Variants in PCDHGB3 observed in about 807,000 individuals in gnomAD.
PCDHGB3 encodes the protein protocadherin gamma-B3.
Under a neutral mutation model 59.2 loss-of-function variants are expected in PCDHGB3, and 40 were observed. The observed-to-expected ratio is 0.68, with a 90% confidence interval of 0.52 to 0.88. The LOEUF (loss-of-function observed/expected upper bound fraction) is 0.88, where lower values mean the gene tolerates loss of function less well. PCDHGB3 is among the 40% of genes least tolerant of loss of function. The probability of loss-of-function intolerance (pLI) is 0.00; values close to 1 mark genes in which losing one functional copy is unlikely to be tolerated. For synonymous variants in PCDHGB3, 581 were observed against 503.6 expected, an observed-to-expected ratio of 1.15 and a Z score of -2.06; for missense variants, 1,309 against 1,187.9, an observed-to-expected ratio of 1.10 and a Z score of -1.50.
At chr5:141,422,301 G>A (rs777697738) in intron 1 of PCDHGB3, 36 of 1,549,184 alleles carry the variant, frequency 2.3e-5, no homozygotes, top group Non-Finnish European at 3.1e-5. Flanking sequence ...ATTCAATTCT[G>A]GAAAACTCTC....
chr5:141,388,842 A>G (rs1399936260), intron 1 of PCDHGB3: 1 of 1,614,014 alleles, frequency 6.2e-7, no homozygotes, highest in Non-Finnish European at 8.5e-7. Flanking sequence ...TTTGGAAGCA[A>G]GGGACGGTGG....
At chr5:141,400,440 A>G (rs1351638844) in intron 1 of PCDHGB3, 2 of 1,614,094 alleles carry the variant, frequency 1.2e-6, no homozygotes, top group Non-Finnish European at 1.7e-6. Context: ...AATTGAGTTC[A>G]GGACAAGACA....
chr5:141,418,748 A>G, intron 1 of PCDHGB3: 7 of 1,613,954 alleles, frequency 4.3e-6, no homozygotes, highest in East Asian at 2.2e-5. Context: ...TCTGGATTAC[A>G]CTACAGGAAA....
chr5:141,424,061 CTGATT>C, intron 1 of PCDHGB3: 1 of 1,003,194 alleles, frequency 1.0e-6, no homozygotes, highest in Non-Finnish European at 1.2e-6. Flanking sequence ...TGTGCCTTCA[CTGATT>C]TGTAGTTATA....
At chr5:141,440,280 A>G (rs1389627767) in intron 1 of PCDHGB3, 1 of 152,220 alleles carries the variant, frequency 6.6e-6, no homozygotes, top group East Asian at 1.9e-4. Context: ...CAGCCTGACC[A>G]ACATAGTGAA....
chr5:141,400,588 T>TC, intron 1 of PCDHGB3: 1 of 1,606,158 alleles, frequency 6.2e-7, no homozygotes, highest in South Asian at 1.1e-5. Flanking sequence ...TACATGAAAC[T>TC]ATCGTACATT....
At chr5:141,384,904 C>G (rs1780643857) in intron 1 of PCDHGB3, 1 of 1,613,886 alleles carries the variant, frequency 6.2e-7, no homozygotes, top group Admixed American at 1.7e-5. Context: ...TGACAGCATC[C>G]CCGAAGTCTT....
At chr5:141,462,280 C>T (rs927977920) in intron 1 of PCDHGB3, among the ~76,000 whole-genome samples, 15 of 152,146 alleles carry the variant, frequency 9.9e-5, no homozygotes, top group African/African-American at 3.4e-4. Context: ...TGTTTAGTCA[C>T]CAAATATGTA....
At chr5:141,384,661 G>C (rs777530436) in intron 1 of PCDHGB3, 1 of 1,614,226 alleles carries the variant, frequency 6.2e-7, no homozygotes. Context: ...CGGCTACCTG[G>C]TGACCAAGGT....
intron 1 of PCDHGB3, chr5:141,399,509 AC>A: frequency 6.2e-7 from 1 of 1,613,968 alleles, no homozygotes; most frequent in Non-Finnish European, 8.5e-7. Flanking sequence ...CCCGAAAACA[AC>A]CCTCCTGGGG....
Position 141,485,625 on chromosome 5 carries a change from G to T in PCDHGB3, c.2416-9182G>T. 6.2e-7 allele frequency: 1 copy of T among 1,611,968 alleles called. No individual in the cohort carries two copies. On this transcript the variant is annotated intron_variant, in intron 1 of 3. Transcript: ENST00000576222. This position sits in a 1 kb window ranked among gnomAD's most constrained non-coding sequence, Gnocchi z 5.7. ...GGGGAGGCAGCTCCTCCAGGACAGC[G>T]TTTCCCGTTGGAAAAGGCTCAGGAT...
chr5:141,414,721 G>A (rs373261988), intron 1 of PCDHGB3: 29 of 1,614,004 alleles, frequency 1.8e-5, no homozygotes, highest in Middle Eastern at 1.6e-4. Flanking sequence ...CTCAGACACT[G>A]GCGTCCTGTA....
intron 1 of PCDHGB3, chr5:141,389,267 G>A: frequency 6.2e-7 from 1 of 1,614,008 alleles, no homozygotes; most frequent in African/African-American, 1.3e-5. Flanking sequence ...ACGTGGCCGA[G>A]AACAACCCGC....
At chr5:141,375,282 A>G (rs564045445) in intron 1 of PCDHGB3, 6 of 1,613,866 alleles carry the variant, frequency 3.7e-6, no homozygotes, top group Middle Eastern at 1.6e-4. Flanking sequence ...TCAGTTGGCA[A>G]TTATTATCGA....
chr5:141,382,470 A>G (rs918118556), intron 1 of PCDHGB3, among the ~76,000 whole-genome samples: 1 of 152,234 alleles, frequency 6.6e-6, no homozygotes, highest in African/African-American at 2.4e-5. Flanking sequence ...TTTAAAAATT[A>G]TCTAAGATTA....
chr5:141,477,629 C>T lies in PCDHGB3; in HGVS notation c.2416-17178C>T, dbSNP rs1191573380. 6.2e-7 allele frequency: 1 copy of T among 1,614,158 alleles called. No homozygotes were observed. Reference sequence around the variant, plus strand: ...CTTGGAGCAAGGAGCTGAAACCGGGCTAGTGGGTCGCTATTTCACAATAAA... The same window carrying T: ...CTTGGAGCAAGGAGCTGAAACCGGGTTAGTGGGTCGCTATTTCACAATAAA... On this transcript the variant is annotated intron_variant, in intron 1 of 3. Coordinates refer to ENST00000576222, the MANE Select transcript of PCDHGB3 (RefSeq NM_018924.5). The surrounding 1 kb of genome is among the most constrained non-coding windows in gnomAD (Gnocchi z 4.9).
At chr5:141,466,019 G>C (rs1466918487) in intron 1 of PCDHGB3, among the ~76,000 whole-genome samples, 1 of 152,062 alleles carries the variant, frequency 6.6e-6, no homozygotes, top group African/African-American at 2.4e-5. Flanking sequence ...CTACTCGGGA[G>C]GGTGAGGCAG....
Position 141,485,227 on chromosome 5 carries a change from G to T in PCDHGB3, c.2416-9580G>T. Reference sequence around the variant, plus strand: ...AAATCTGGCGGTGGGCTACCCTTTTGTTCCTCTTTTACCACCTGGGTTACG... The same window carrying T: ...AAATCTGGCGGTGGGCTACCCTTTTTTTCCTCTTTTACCACCTGGGTTACG... On this transcript the variant is annotated intron_variant, in intron 1 of 3. Transcript: ENST00000576222. The surrounding 1 kb of genome is among the most constrained non-coding windows in gnomAD (Gnocchi z 5.7). The T allele has an allele frequency of 6.2e-7, 1 of 1,614,186 alleles. No individual in the cohort carries two copies. Among genetic ancestry groups the T allele is most frequent in the Non-Finnish European group, 8.5e-7 (1 of 1,180,020 alleles).
At chr5:141,403,507 A>G (rs373170550) in intron 1 of PCDHGB3, 1 of 1,614,006 alleles carries the variant, frequency 6.2e-7, no homozygotes, top group Non-Finnish European at 8.5e-7. Context: ...TGCAGACTGG[A>G]GACAATGGAG....
Sources: gnomAD v4.1 joint callset for allele counts (sites outside exome capture counted in the v4.1 genomes callset) on GRCh38, gnomAD v4.1.1 for gene constraint, Gnocchi (gnomAD v3.1) non-coding constraint, MANE v1.5 for transcripts, NCBI Gene and HGNC (gene_info 2026-07-23, HGNC 2026-07-21) for gene names.